The following NLGN1 variants were observed in gnomAD, a reference collection of about 807,000 sequenced individuals.
NLGN1 encodes neuroligin-1.
A neutral mutation model predicts 65.5 loss-of-function variants in NLGN1; 12 were observed. The ratio of observed to expected loss-of-function variants is 0.18; its 90% CI spans 0.12 to 0.30. The LOEUF (loss-of-function observed/expected upper bound fraction) is 0.30. Among genes scored for constraint, NLGN1 ranks in the 10% least tolerant of loss-of-function variants. The probability of loss-of-function intolerance (pLI) is 1.00; values close to 1 mark genes in which losing one functional copy is unlikely to be tolerated. For missense variants in NLGN1, 750 were observed against 1,007.1 expected, an observed-to-expected ratio of 0.74 and a Z score of 3.46; for synonymous variants, 350 against 359.5, an observed-to-expected ratio of 0.97 and a Z score of 0.30.
At chr3:174,172,994 C>G (rs570320445) in intron 4 of NLGN1, among the ~76,000 whole-genome samples, 1 of 152,014 alleles carries the variant, frequency 6.6e-6, no homozygotes, top group Admixed American at 6.6e-5. Flanking sequence ...CAATTTCGTG[C>G]AGCAACAATG....
intron 3 of NLGN1, among the ~76,000 whole-genome samples, chr3:173,766,954 C>A (rs1187183413): frequency 1.3e-5 from 2 of 152,002 alleles, no homozygotes; most frequent in Non-Finnish European, 2.9e-5. Flanking sequence ...TTGATTAAAA[C>A]CGATCTGCTG....
At chr3:173,498,300 C>A (rs1009369531) in intron 2 of NLGN1, among the ~76,000 whole-genome samples, 1 of 151,364 alleles carries the variant, frequency 6.6e-6, no homozygotes, top group Non-Finnish European at 1.5e-5. Flanking sequence ...TGACAACATG[C>A]GGTGTTGGGT....
chr3:174,284,936 T>C (rs1208276384), exon 7 of NLGN1: 1 of 151,340 alleles, frequency 6.6e-6, no homozygotes, highest in Non-Finnish European at 1.5e-5. Context: ...TTAAAAATTA[T>C]CAAGTATATA....
chr3:173,527,491 G>A (rs1315749648), intron 2 of NLGN1, among the ~76,000 whole-genome samples: 1 of 151,936 alleles, frequency 6.6e-6, no homozygotes, highest in Non-Finnish European at 1.5e-5. Context: ...TCCACCTCCC[G>A]GGTTCACACC....
intron 3 of NLGN1, among the ~76,000 whole-genome samples, chr3:173,768,119 C>T (rs534845416): frequency 1.3e-5 from 2 of 151,706 alleles, no homozygotes; most frequent in African/African-American, 4.8e-5. Context: ...ATAATTTATC[C>T]AAGTTAGAAA....
intron 4 of NLGN1, among the ~76,000 whole-genome samples, chr3:174,043,342 A>G (rs965285275): frequency 1.3e-5 from 2 of 152,186 alleles, no homozygotes; most frequent in Non-Finnish European, 2.9e-5. Context: ...AACTCATTCC[A>G]GCACTAACTC....
At chr3:173,972,666 T>C (rs1463082937) in intron 4 of NLGN1, among the ~76,000 whole-genome samples, 1 of 152,074 alleles carries the variant, frequency 6.6e-6, no homozygotes, top group African/African-American at 2.4e-5. Context: ...TTGATGAGCC[T>C]TTTCTGTGGG....
At chr3:174,222,744 A>G (rs1738891485) in intron 4 of NLGN1, among the ~76,000 whole-genome samples, 1 of 152,112 alleles carries the variant, frequency 6.6e-6, no homozygotes, top group Non-Finnish European at 1.5e-5. Flanking sequence ...CATAAGACAC[A>G]TGTAAATGTA....
intron 3 of NLGN1, among the ~76,000 whole-genome samples, chr3:173,770,215 A>G (rs897511396): frequency 2.0e-5 from 3 of 152,210 alleles, no homozygotes; most frequent in African/African-American, 7.2e-5. Context: ...GCTGGAATAA[A>G]AATGAGTCAG....
intron 4 of NLGN1, among the ~76,000 whole-genome samples, chr3:174,189,099 T>C (rs1169272246): frequency 6.6e-6 from 1 of 152,042 alleles, no homozygotes; most frequent in Non-Finnish European, 1.5e-5. Flanking sequence ...ATAATTAGCA[T>C]ATAATAATAT....
At chr3:174,048,301 T>C (rs1158691511) in intron 4 of NLGN1, among the ~76,000 whole-genome samples, 3 of 152,050 alleles carry the variant, frequency 2.0e-5, no homozygotes, top group Admixed American at 2.0e-4. Context: ...TAAGCTTTAG[T>C]TTAGTTTCTA....
intron 4 of NLGN1, among the ~76,000 whole-genome samples, chr3:174,124,547 TTA>T (rs1281204856): frequency 1.4e-4 from 21 of 147,042 alleles, no homozygotes; most frequent in African/African-American, 4.2e-4. Context: ...ATACATATAC[TTA>T]TATATATACG....
intron 4 of NLGN1, chr3:173,920,567 T>C (rs1299235378): frequency 7.2e-5 from 11 of 152,180 alleles, no homozygotes; most frequent in Admixed American, 7.2e-4. Context: ...CCTTCAAGCA[T>C]GTGAGAATGC....
chr3:173,812,729 C>T (rs925762344), intron 4 of NLGN1, among the ~76,000 whole-genome samples: 8 of 141,960 alleles, frequency 5.6e-5, no homozygotes, highest in South Asian at 2.3e-4. Context: ...TGTATATACA[C>T]GCACACACAT....
At chr3:174,083,732 C>G (rs188011245) in intron 4 of NLGN1, among the ~76,000 whole-genome samples, 31 of 152,208 alleles carry the variant, frequency 2.0e-4, no homozygotes, top group African/African-American at 7.5e-4. Context: ...TCTTATTTTG[C>G]ATCCAATGCT....
chr3:173,800,520 T>A (rs1450216834), intron 3 of NLGN1, among the ~76,000 whole-genome samples: 1 of 151,734 alleles, frequency 6.6e-6, no homozygotes, highest in African/African-American at 2.4e-5. Flanking sequence ...GAGTATTAAT[T>A]TTTTTAAAAA....
At chr3:173,743,457 A>G (rs1774936194) in intron 3 of NLGN1, among the ~76,000 whole-genome samples, 1 of 152,152 alleles carries the variant, frequency 6.6e-6, no homozygotes, top group Non-Finnish European at 1.5e-5. Context: ...TATTATTCAT[A>G]CTACTTCAGT....
chr3:174,051,693 G>A (rs1381900558), intron 4 of NLGN1, among the ~76,000 whole-genome samples: 3 of 152,092 alleles, frequency 2.0e-5, no homozygotes, highest in African/African-American at 7.2e-5. Flanking sequence ...GAACTAATGG[G>A]ATCAAACTAA....
At position 174,070,763 on chromosome 3, in the gene NLGN1, T is replaced by C. The variant is rs1739666093; in HGVS notation, c.647-204552T>C. Among the ~76,000 whole-genome samples, 3 of 152,192 alleles carry C rather than the reference T, an allele frequency of 2.0e-5. No homozygotes were observed. In the South Asian group the frequency reaches 6.2e-4, roughly 31 times the overall value. Reference sequence around the variant, plus strand: ...ACTATGAAGTTGGTATACTCATTGATAGTAATGGGCACTGGGTGCAGTGGC... The same window carrying C: ...ACTATGAAGTTGGTATACTCATTGACAGTAATGGGCACTGGGTGCAGTGGC... On this transcript the variant is annotated intron_variant, in intron 4 of 6. Transcript: ENST00000457714.
Sources: gnomAD v4.1 joint callset for allele counts (sites outside exome capture counted in the v4.1 genomes callset) on GRCh38, gnomAD v4.1.1 for gene constraint, MANE v1.5 for transcripts, NCBI Gene and HGNC (gene_info 2026-07-23, HGNC 2026-07-21) for gene names.